The following CLMN variants were observed in gnomAD, a reference collection of about 807,000 sequenced individuals.
CLMN encodes the protein calmin, also known as calmin (calponin-like, transmembrane).
A neutral mutation model predicts 92.7 loss-of-function variants in CLMN; 57 were observed. That is an observed-to-expected ratio of 0.61 (90% confidence interval 0.50 to 0.77). The LOEUF (loss-of-function observed/expected upper bound fraction) is 0.77. Ranked by LOEUF, CLMN falls within the 30% of genes least tolerant of loss-of-function variation. CLMN has a pLI of 0.00. For synonymous variants in CLMN, 466 were observed against 470.6 expected (o/e 0.99, Z 0.13); for missense variants, 1,158 against 1,237.5 (o/e 0.94, Z 0.96).
At chr14:95,192,891 T>A (rs1896595636) in intron 12 of CLMN, 1 of 157,598 alleles carries the variant, frequency 6.3e-6, no homozygotes, top group Non-Finnish European at 1.4e-5. Context: ...AGGTTCTATT[T>A]TCAACGCCTC....
intron 1 of CLMN, among the ~76,000 whole-genome samples, chr14:95,298,029 G>A (rs2140772838): frequency 6.6e-6 from 1 of 152,262 alleles, no homozygotes; most frequent in Non-Finnish European, 1.5e-5. Flanking sequence ...ATTTCCCCCA[G>A]CAGCACACGA....
At chr14:95,289,529 A>G (rs999740065) in intron 1 of CLMN, among the ~76,000 whole-genome samples, 1 of 151,840 alleles carries the variant, frequency 6.6e-6, no homozygotes, top group Non-Finnish European at 1.5e-5. Flanking sequence ...AAACAAAAAA[A>G]CCGTTGTTCT....
intron 9 of CLMN, among the ~76,000 whole-genome samples, chr14:95,198,641 T>C (rs1896792118): frequency 1.3e-5 from 2 of 152,132 alleles, no homozygotes; most frequent in African/African-American, 4.8e-5. Context: ...AGGGAGCTCA[T>C]CTGCCCACGC....
chr14:95,264,203 C>T (rs1899377177), intron 1 of CLMN, among the ~76,000 whole-genome samples: 1 of 151,914 alleles, frequency 6.6e-6, no homozygotes, highest in African/African-American at 2.4e-5. Flanking sequence ...ATATGCCTGG[C>T]TAATTTTTGT....
At position 95,287,307 on chromosome 14, in the gene CLMN, C is replaced by T. The variant is rs140581932; in HGVS notation, c.82+32404G>A. ...TCCCCGTCACTTTCTAGCCCAGCTCCGTGGCCAGGCTCCATGGAGGCCACA... is the reference window on the plus strand; with the variant it reads ...TCCCCGTCACTTTCTAGCCCAGCTCTGTGGCCAGGCTCCATGGAGGCCACA... On this transcript the variant is annotated intron_variant, in intron 1 of 12. Transcript: ENST00000298912. Among the ~76,000 whole-genome samples, 92 of 152,340 alleles carry T rather than the reference C, an allele frequency of 6.0e-4. 1 individual carries two copies. Among genetic ancestry groups the T allele is most frequent in the African/African-American group, 1.9e-3 (81 of 41,576 alleles).
Position 95,294,030 on chromosome 14 carries a change from AG to A in CLMN, c.82+25680del, listed in dbSNP as rs1412451737. ...GAGGGTGACACCAAAGAGGAGGAGGAGGAGGAGGAGGCCAGAAGTCTGGCTG... is the reference window on the plus strand; with the variant it reads ...GAGGGTGACACCAAAGAGGAGGAGGAGAGGAGGAGGCCAGAAGTCTGGCTG... On this transcript the variant is annotated intron_variant, in intron 1 of 12. Transcript: ENST00000298912. This position sits in a 1 kb window ranked among gnomAD's most constrained non-coding sequence, Gnocchi z 4.2. Among the ~76,000 whole-genome samples the A allele has an allele frequency of 2.6e-5, 4 of 152,112 alleles. No homozygotes were observed. The highest frequency in any genetic ancestry group is 2.0e-4 in the Admixed American group (3 of 15,264).
intron 1 of CLMN, among the ~76,000 whole-genome samples, chr14:95,236,711 A>G: frequency 6.6e-6 from 1 of 152,240 alleles, no homozygotes; most frequent in East Asian, 1.9e-4. Context: ...AGTTTCAGCA[A>G]CAGGAGGGCT....
chr14:95,257,969 G>C (rs1195629700), intron 1 of CLMN, among the ~76,000 whole-genome samples: 1 of 152,174 alleles, frequency 6.6e-6, no homozygotes, highest in African/African-American at 2.4e-5. Flanking sequence ...AAAAGTACAA[G>C]AGTCAGCTAT....
intron 1 of CLMN, among the ~76,000 whole-genome samples, chr14:95,293,653 G>A (rs1284512325): frequency 6.6e-6 from 1 of 152,040 alleles, no homozygotes; most frequent in Admixed American, 6.5e-5. Flanking sequence ...GCAGAGACAT[G>A]TGGGTGTACT....
chr14:95,297,663 T>C (rs1489016733), intron 1 of CLMN, among the ~76,000 whole-genome samples: 3 of 152,210 alleles, frequency 2.0e-5, no homozygotes, highest in Non-Finnish European at 4.4e-5. Flanking sequence ...GGTTTTGAGA[T>C]TCGTCTGTGC....
intron 1 of CLMN, among the ~76,000 whole-genome samples, chr14:95,267,198 C>T (rs1413465256): frequency 6.6e-6 from 1 of 152,144 alleles, no homozygotes; most frequent in Non-Finnish European, 1.5e-5. Flanking sequence ...AGCTAAAAAG[C>T]TTCTTCACAG....
intron 1 of CLMN, among the ~76,000 whole-genome samples, chr14:95,234,377 C>A (rs533296947): frequency 6.6e-6 from 1 of 152,176 alleles, no homozygotes; most frequent in African/African-American, 2.4e-5. Flanking sequence ...GAGACGCCCA[C>A]CCCCCATCCT....
chr14:95,258,915 G>T (rs1281385213), intron 1 of CLMN, among the ~76,000 whole-genome samples: 2 of 151,026 alleles, frequency 1.3e-5, no homozygotes, highest in African/African-American at 4.9e-5. Flanking sequence ...GTATGTGGAG[G>T]ATATGTGTAT....
intron 1 of CLMN, among the ~76,000 whole-genome samples, chr14:95,280,680 C>T (rs1900112755): frequency 2.0e-5 from 3 of 152,178 alleles, no homozygotes; most frequent in East Asian, 1.9e-4. Context: ...AAGTATTTGG[C>T]TTATTTGGTA....
chr14:95,200,264 G>A (rs934940668), intron 9 of CLMN, among the ~76,000 whole-genome samples: 20 of 152,064 alleles, frequency 1.3e-4, no homozygotes, highest in African/African-American at 4.6e-4. Flanking sequence ...GAATCCCTTC[G>A]CTGGGCCCAT....
Position 95,194,418 on chromosome 14 carries a change from C to T in CLMN, c.2769+118G>A, listed in dbSNP as rs1896642935. The T allele has an allele frequency of 1.9e-6, 3 of 1,565,306 alleles. No individual in the cohort carries two copies. Among genetic ancestry groups the T allele is most frequent in the Admixed American group, 1.8e-5 (1 of 54,548 alleles). ...AGGTTCCAATCTGCTTGTCTTCTAT[C>T]CAAAAGTATAGCTGTTGCATGCCAG... On this transcript the variant is annotated intron_variant, in intron 11 of 12. Transcript: ENST00000298912. The surrounding 1 kb of genome is among the most constrained non-coding windows in gnomAD (Gnocchi z 4.0).
At chr14:95,213,191 T>A in intron 6 of CLMN, 28 bp downstream of exon 6, 1 of 1,602,294 alleles carries the variant, frequency 6.2e-7, no homozygotes, top group Non-Finnish European at 8.5e-7. Context: ...TTAAATGAAG[T>A]AGTGTGGGGA....
chr14:95,315,174 G>A (rs983802500), intron 1 of CLMN, among the ~76,000 whole-genome samples: 33 of 152,312 alleles, frequency 2.2e-4, no homozygotes, highest in African/African-American at 7.7e-4. Context: ...TTGTTGGGGA[G>A]TTATGGGAGA....
Position 95,309,222 on chromosome 14 carries a change from A to G in CLMN, c.82+10489T>C, listed in dbSNP as rs114819679. Among the ~76,000 whole-genome samples the G allele has an allele frequency of 7.3e-3, 1,105 of 152,340 alleles. 14 individuals are homozygous for G. The highest frequency in any genetic ancestry group is 0.026 in the African/African-American group (1,065 of 41,572). Reference sequence around the variant, plus strand: ...TTTCGATATGTGATGTAATAAAACCAAAAGTCGGAAACTGTCTATAAACCC... The same window carrying G: ...TTTCGATATGTGATGTAATAAAACCGAAAGTCGGAAACTGTCTATAAACCC... On this transcript the variant is annotated intron_variant, in intron 1 of 12. Transcript: ENST00000298912.
Sources: allele counts gnomAD v4.1 joint callset (sites outside exome capture counted in the v4.1 genomes callset), GRCh38; gene constraint gnomAD v4.1.1; non-coding constraint Gnocchi (gnomAD v3.1); transcripts MANE v1.5; gene names NCBI Gene and HGNC (gene_info 2026-07-23, HGNC 2026-07-21).